Variants in RORB observed in about 807,000 individuals in gnomAD.
RORB encodes RAR related orphan receptor B.
Under a neutral mutation model 59.1 loss-of-function variants are expected in RORB, and 6 were observed. The ratio of observed to expected loss-of-function variants is 0.10; its 90% CI spans 0.06 to 0.20. The LOEUF is 0.20. Ranked by LOEUF, RORB falls within the 10% of genes least tolerant of loss-of-function variation. The probability of loss-of-function intolerance (pLI) is 1.00; values close to 1 mark genes in which losing one functional copy is unlikely to be tolerated. For missense variants in RORB, 320 were observed against 560.5 expected, an observed-to-expected ratio of 0.57 and a Z score of 4.33; for synonymous variants, 215 against 204.5, an observed-to-expected ratio of 1.05 and a Z score of -0.44.
intron 1 of RORB, among the ~76,000 whole-genome samples, chr9:74,602,342 G>T (rs139834830): frequency 1.7e-3 from 255 of 152,258 alleles, no homozygotes; most frequent in African/African-American, 5.9e-3. Flanking sequence ...CTAAATGAAT[G>T]AATCCTATAT....
In RORB at chr9:74,513,355, T is replaced by C. The variant is rs540427412; in HGVS notation, c.7+15372T>C. 2.6e-5 allele frequency among the ~76,000 whole-genome samples: 4 copies of C among 152,210 alleles called. 1 individual carries two copies. The South Asian group carries it at 8.3e-4, about 32-fold the overall frequency. ...CAGATAATTTTTCTTTTAATATTTA[T>C]TCTTATATTTAGTATTAGGTTGATG... On this transcript the variant is annotated intron_variant, in intron 1 of 9. Coordinates refer to ENST00000376896, the MANE Select transcript of RORB (RefSeq NM_006914.4).
chr9:74,625,540 G>T (rs188559971), intron 1 of RORB, among the ~76,000 whole-genome samples: 1 of 152,310 alleles, frequency 6.6e-6, no homozygotes, highest in Admixed American at 6.5e-5. Context: ...CCTGAGTCTG[G>T]GGGTTTGAGG....
intron 4 of RORB, among the ~76,000 whole-genome samples, chr9:74,654,353 AGAGAGAGAGAGAGAGAGAGTAAG>A (rs994794448): frequency 3.3e-5 from 5 of 151,262 alleles, no homozygotes; most frequent in African/African-American, 1.2e-4. Context: ...AGAGAGAGAG[AGAGAGAGAGAGAGAGAGAGTAAG>A]GAGACTCAGC....
chr9:74,514,720 A>G (rs1044204559), intron 1 of RORB, among the ~76,000 whole-genome samples: 1 of 150,076 alleles, frequency 6.7e-6, no homozygotes, highest in African/African-American at 2.4e-5. Context: ...ATAGAGGAGA[A>G]TAAGACAATT....
At chr9:74,552,547 A>AAT (rs967986933) in intron 1 of RORB, among the ~76,000 whole-genome samples, 1 of 152,170 alleles carries the variant, frequency 6.6e-6, no homozygotes, top group Non-Finnish European at 1.5e-5. Context: ...GCTAGCATGT[A>AAT]ATATGCACAA....
At chr9:74,622,911 G>A (rs1823448266) in intron 1 of RORB, among the ~76,000 whole-genome samples, 1 of 151,986 alleles carries the variant, frequency 6.6e-6, no homozygotes, top group African/African-American at 2.4e-5. Context: ...TACTGGTCAG[G>A]GACCACACTT....
chr9:74,516,402 T>A (rs1391483006), intron 1 of RORB, among the ~76,000 whole-genome samples: 1 of 151,962 alleles, frequency 6.6e-6, no homozygotes, highest in Non-Finnish European at 1.5e-5. Context: ...ATTACCCCAG[T>A]ACAATAGGCC....
intron 1 of RORB, among the ~76,000 whole-genome samples, chr9:74,514,029 A>G (rs1054057830): frequency 6.6e-6 from 1 of 152,098 alleles, no homozygotes; most frequent in Non-Finnish European, 1.5e-5. Context: ...TGCATTAGTC[A>G]AGTACTTGGG....
chr9:74,666,298 A>T (rs554498644), intron 7 of RORB, among the ~76,000 whole-genome samples: 2 of 151,974 alleles, frequency 1.3e-5, no homozygotes, highest in Non-Finnish European at 2.9e-5. Context: ...AATAAATAAA[A>T]TAAATAAATA....
At chr9:74,655,542 G>A (rs1482580720) in intron 4 of RORB, among the ~76,000 whole-genome samples, 1 of 152,138 alleles carries the variant, frequency 6.6e-6, no homozygotes, top group Non-Finnish European at 1.5e-5. Flanking sequence ...AGTCCCTTTT[G>A]TCTGGACTTT....
At position 74,669,428 on chromosome 9, in the gene RORB, G is replaced by A. The variant is rs888872369; in HGVS notation, c.1111+1527G>A. ...CAGGAGGCAGAGGTTGCAGTGAGCCGAGATTGTGCCATTTCACTCCAGCCT... is the reference window on the plus strand; with the variant it reads ...CAGGAGGCAGAGGTTGCAGTGAGCCAAGATTGTGCCATTTCACTCCAGCCT... On this transcript the variant is annotated intron_variant, in intron 8 of 9. Transcript: ENST00000376896. Among the ~76,000 whole-genome samples the A allele has an allele frequency of 4.7e-5, 7 of 148,772 alleles. No individual in the cohort carries two copies. In the South Asian group the frequency reaches 1.1e-3, roughly 22 times the overall value.
intron 5 of RORB, 46 bp from the exon 6 acceptor site, chr9:74,662,428 C>CAAT: frequency 1.2e-6 from 2 of 1,602,774 alleles, no homozygotes; most frequent in Non-Finnish European, 1.7e-6. Context: ...GTTGACTCTC[C>CAAT]GTAAGTCGTT....
chr9:74,603,478 A>G (rs1057320682), intron 1 of RORB, among the ~76,000 whole-genome samples: 17 of 152,202 alleles, frequency 1.1e-4, no homozygotes, highest in Admixed American at 5.2e-4. Context: ...GCACAAGTCC[A>G]AAGCCCATGC....
intron 1 of RORB, among the ~76,000 whole-genome samples, chr9:74,516,732 T>C (rs1826016095): frequency 6.6e-6 from 1 of 152,026 alleles, no homozygotes; most frequent in African/African-American, 2.4e-5. Flanking sequence ...ACCTGTCTCA[T>C]AGTAAGTGTC....
chr9:74,547,053 C>A (rs535982460), intron 1 of RORB, among the ~76,000 whole-genome samples: 3 of 152,282 alleles, frequency 2.0e-5, no homozygotes, highest in South Asian at 2.1e-4. Context: ...GAGGTCACAC[C>A]ACCACACTCC....
intron 1 of RORB, among the ~76,000 whole-genome samples, chr9:74,569,596 A>G (rs1159578424): frequency 6.6e-6 from 1 of 152,100 alleles, no homozygotes; most frequent in Non-Finnish European, 1.5e-5. Context: ...AACCAGTCAC[A>G]AATACTAGCC....
chr9:74,511,527 G>A (rs912255052), intron 1 of RORB, among the ~76,000 whole-genome samples: 1 of 151,428 alleles, frequency 6.6e-6, no homozygotes, highest in Non-Finnish European at 1.5e-5. Flanking sequence ...ACCCGGGCCT[G>A]TGGTCCTGGC....
intron 4 of RORB, among the ~76,000 whole-genome samples, chr9:74,650,161 T>C (rs1304943096): frequency 6.6e-6 from 1 of 152,212 alleles, no homozygotes; most frequent in East Asian, 1.9e-4. Context: ...GCAGGGAATG[T>C]TTCTACTTAT....
At chr9:74,662,040 T>C (rs926283156) in intron 5 of RORB, among the ~76,000 whole-genome samples, 2 of 152,162 alleles carry the variant, frequency 1.3e-5, no homozygotes, top group African/African-American at 4.8e-5. Context: ...CAGATACCCA[T>C]GAAAATGATG....
Sources: allele counts gnomAD v4.1 joint callset (sites outside exome capture counted in the v4.1 genomes callset), GRCh38; gene constraint gnomAD v4.1.1; transcripts MANE v1.5; gene names NCBI Gene and HGNC (gene_info 2026-07-23, HGNC 2026-07-21).